CENPE: variants seen among roughly 807,000 people sequenced by gnomAD.
CENPE encodes the protein centromere-associated protein E.
A neutral mutation model predicts 336.1 loss-of-function variants in CENPE; 145 were observed. The observed-to-expected ratio is 0.43, with a 90% CI of 0.38 to 0.50. The LOEUF (loss-of-function observed/expected upper bound fraction) is 0.50. Ranked by LOEUF, CENPE falls within the 20% of genes least tolerant of loss-of-function variation. The pLI is 0.00. For missense variants in CENPE, 2,719 were observed against 3,023.3 expected (o/e 0.90, Z 2.36); for synonymous variants, 1,013 against 984.8 (o/e 1.03, Z -0.54).
In CENPE at chr4:103,158,677, G is replaced by A. The variant is rs1754162942; in HGVS notation, c.2811C>T (p.Leu937=). 1.2e-6 allele frequency: 2 copies of A among 1,611,672 alleles called. No individual in the cohort carries two copies. Among genetic ancestry groups the A allele is most frequent in the Non-Finnish European group, 1.7e-6 (2 of 1,179,132 alleles). ...LTQEKDDLKQ[L]QESLQIERDQ... ...CCCTCTCAATTTGCAAGCTTTCTTG[G>A]AGTTGTTTTAGATCATCTTTTTCTT... The change falls in exon 23 of 49, where the codon CTC becomes CTT. Residue 937 remains leucine (L), a synonymous_variant. Transcript: ENST00000265148.
Position 103,132,835 on chromosome 4 carries a change from A to C in CENPE, c.6782T>G (p.Val2261Gly). The C allele has an allele frequency of 6.4e-7, 1 of 1,570,912 alleles. No individual in the cohort carries two copies. Among genetic ancestry groups the C allele is most frequent in the Non-Finnish European group, 8.6e-7 (1 of 1,156,532 alleles). Residue 2261 changes from valine (V) to glycine (G), a missense_variant, in exon 42 of 49, where the codon GTA becomes GGA. This residue lies in a region of CENPE where 2,437 missense variants were observed against 2,513.3 expected (regional missense o/e 0.97). Transcript: ENST00000265148. ...FPSIKTEFQQ[V>G]LSNRKEMTQF... ...TGTCATTTCTTTCCTATTACTTAGTACTTGTTGAAATTCAGTCTTTATGCT... is the reference window on the plus strand; with the variant it reads ...TGTCATTTCTTTCCTATTACTTAGTCCTTGTTGAAATTCAGTCTTTATGCT...
chr4:103,157,059 C>CAAAAAAA (rs34199706), intron 24 of CENPE, among the ~76,000 whole-genome samples: 6 of 98,026 alleles, frequency 6.1e-5, no homozygotes, highest in Non-Finnish European at 6.4e-5. Flanking sequence ...TGGCTACTAT[C>CAAAAAAA]AAAAAAAAAA....
chr4:103,182,415 C>T (rs1476476733), intron 11 of CENPE, among the ~76,000 whole-genome samples: 11 of 152,174 alleles, frequency 7.2e-5, no homozygotes, highest in Admixed American at 2.0e-4. Flanking sequence ...GACAGACACA[C>T]AATTTTTTTT....
intron 26 of CENPE, among the ~76,000 whole-genome samples, chr4:103,150,087 A>G (rs1753411247): frequency 7.5e-6 from 1 of 132,726 alleles, no homozygotes; most frequent in Non-Finnish European, 1.7e-5. Flanking sequence ...ATAATTCCTC[A>G]TCCTCTTAAA....
intron 8 of CENPE, among the ~76,000 whole-genome samples, chr4:103,188,772 C>G (rs548566286): frequency 6.6e-6 from 1 of 151,912 alleles, no homozygotes; most frequent in Admixed American, 6.6e-5. Context: ...AGCTAGCAGA[C>G]GGCAAGCAAT....
At position 103,129,759 on chromosome 4, in the gene CENPE, G is replaced by A. The variant is rs764482333; in HGVS notation, c.6924+2934C>T. Among the ~76,000 whole-genome samples the A allele has an allele frequency of 4.2e-5, 6 of 143,390 alleles. No homozygotes were observed. In the South Asian group the frequency reaches 1.4e-3, roughly 32 times the overall value. 94.1% of individuals were successfully genotyped at this position (143,390 alleles called of 152,430 possible). A position where few individuals can be genotyped will look rare whatever the true frequency, so the allele number is the denominator to read the frequency against. Reference sequence around the variant, plus strand: ...ATAAAATAAAATAAAAAACAAAGATGTAAAAAAAGATGTGAAAATCTCAAC... The same window carrying A: ...ATAAAATAAAATAAAAAACAAAGATATAAAAAAAGATGTGAAAATCTCAAC... On this transcript the variant is annotated intron_variant, in intron 42 of 48. Coordinates refer to ENST00000265148, the MANE Select transcript of CENPE (RefSeq NM_001813.3).
In CENPE at chr4:103,183,233, T is replaced by C; in HGVS notation, c.801A>G (p.Gln267=). The change falls in exon 10 of 49, where the codon CAA becomes CAG. Residue 267 remains glutamine (Q), a synonymous_variant. Coordinates refer to ENST00000265148, the MANE Select transcript of CENPE (RefSeq NM_001813.3). ...NINRSLFILG[Q]VIKKLSDGQV... is the part of the protein sequence containing the mutation. Reference sequence around the variant, plus strand: ...GTCCATCACTAAGTTTCTTGATCACTTGTCCCAAAATAAATAAGCTTCGAT... The same window carrying C: ...GTCCATCACTAAGTTTCTTGATCACCTGTCCCAAAATAAATAAGCTTCGAT... The C allele has an allele frequency of 6.2e-7, 1 of 1,613,340 alleles. No individual in the cohort carries two copies. The highest frequency in any genetic ancestry group is 8.5e-7 in the Non-Finnish European group (1 of 1,179,582).
At chr4:103,194,808 T>G in intron 5 of CENPE, 124 bp from the exon 6 acceptor site, 2 of 673,832 alleles carry the variant, frequency 3.0e-6, no homozygotes, top group Non-Finnish European at 4.7e-6. Context: ...GGAACCATAA[T>G]TCTGTAGGAA....
intron 25 of CENPE, among the ~76,000 whole-genome samples, chr4:103,152,673 C>A (rs1753657084): frequency 6.6e-6 from 1 of 152,088 alleles, no homozygotes; most frequent in South Asian, 2.1e-4. Flanking sequence ...ATACAATGAA[C>A]TATTCCTTGG....
intron 46 of CENPE, among the ~76,000 whole-genome samples, chr4:103,113,910 A>T (rs1484068195): frequency 6.6e-6 from 1 of 151,932 alleles, no homozygotes; most frequent in Non-Finnish European, 1.5e-5. Flanking sequence ...TGACAGACAG[A>T]ATATGAATAA....
rs545778990 is a variant in CENPE, at chr4:103,189,224, T to C, written c.694-3363A>G. 1.6e-4 allele frequency among the ~76,000 whole-genome samples: 24 copies of C among 152,304 alleles called. 1 individual carries two copies. In the South Asian group the frequency reaches 4.6e-3, roughly 29 times the overall value. On this transcript the variant is annotated intron_variant, in intron 8 of 48. Coordinates refer to ENST00000265148, the MANE Select transcript of CENPE (RefSeq NM_001813.3). ...TTCTACCAGAGGTACTAGGAGGAGC[T>C]GGTACCATTCCTTCTGAAACTATTC... is the stretch of plus-strand genomic sequence containing the variant.
In CENPE at chr4:103,153,041, TC is replaced by T; in HGVS notation, c.3237+5del. Reference sequence around the variant, plus strand: ...GTAATGCCAAGTATACAGTGCTAAATCCTACCATTTCAATATTTTCCTTTAG... The same window carrying T: ...GTAATGCCAAGTATACAGTGCTAAATCTACCATTTCAATATTTTCCTTTAG... On this transcript the variant is annotated splice_donor_5th_base_variant and intron_variant, in intron 25 of 48. Transcript: ENST00000265148. 6.2e-7 allele frequency: 1 copy of T among 1,601,634 alleles called. No individual in the cohort carries two copies.
intron 9 of CENPE, among the ~76,000 whole-genome samples, chr4:103,184,217 T>C (rs1756559256): frequency 1.3e-5 from 2 of 152,218 alleles, no homozygotes; most frequent in Admixed American, 6.5e-5. Flanking sequence ...TTGGTGGATG[T>C]AGGCTAGGCT....
In CENPE at chr4:103,132,752, T is replaced by C; in HGVS notation, c.6865A>G (p.Ile2289Val). The change falls in exon 42 of 49, where the codon ATC becomes GTC. Residue 2289 changes from isoleucine (I) to valine (V), a missense_variant. By Grantham distance (29) the Ile-to-Val change is conservative (BLOSUM62 3). Coordinates refer to ENST00000265148, the MANE Select transcript of CENPE (RefSeq NM_001813.3). ...CAAATCCTATCATTTTCTTTCTGGA[T>C]GCCATTTTTAAGCTTTTCTATATCA... ...RFDIEKLKNG[I>V]QKENDRICQV... 6.4e-7 allele frequency: 1 copy of C among 1,574,294 alleles called. No homozygotes were observed. Among genetic ancestry groups the C allele is most frequent in the Non-Finnish European group, 8.7e-7 (1 of 1,149,902 alleles).
chr4:103,163,173 C>T lies in CENPE; in HGVS notation c.1806G>A (p.Lys602=), dbSNP rs1214206990. The T allele has an allele frequency of 6.2e-7, 1 of 1,610,278 alleles. No individual in the cohort carries two copies. Among genetic ancestry groups the T allele is most frequent in the Non-Finnish European group, 8.5e-7 (1 of 1,178,164 alleles). The change falls in exon 18 of 49, where the codon AAG becomes AAA. Residue 602 remains lysine (K), a synonymous_variant. Coordinates refer to ENST00000265148, the MANE Select transcript of CENPE (RefSeq NM_001813.3). ...ACAAGTCCATTTTTATATTTTCTAG[C>T]TTTTGAGAGTCTATGTATTCCTGTA... ...KKLQEYIDSQ[K]LENIKMDLSY...
rs1750132490 is a variant in CENPE at position 103,116,608 on chromosome 4, T to C, written c.7411A>G (p.Lys2471Glu). The C allele has an allele frequency of 5.1e-6, 8 of 1,578,360 alleles. No individual in the cohort carries two copies. The highest frequency in any genetic ancestry group is 6.9e-6 in the Non-Finnish European group (8 of 1,162,936). Residue 2471 changes from lysine to glutamate, a missense_variant, in exon 45 of 49, where the codon AAA becomes GAA. Around this residue, in one of 5 missense-constraint regions of CENPE, gnomAD observed 2,437 missense variants for 2,513.3 expected, o/e 0.97. Transcript: ENST00000265148. ...TCAAATTCTTTGGCATTTTTCATTTTCTCTAGGTCTATTTTCACAAGCTTC... is the reference window on the plus strand; with the variant it reads ...TCAAATTCTTTGGCATTTTTCATTTCCTCTAGGTCTATTTTCACAAGCTTC... ...KMKLVKIDLE[K>E]MKNAKEFEKE...
chr4:103,114,416 G>A, intron 46 of CENPE, 39 bp downstream of exon 46: 1 of 1,254,052 alleles, frequency 8.0e-7, no homozygotes, highest in Non-Finnish European at 1.2e-6. Flanking sequence ...GTGTTGAGAA[G>A]TAAAATTTCA....
intron 21 of CENPE, 80 bp downstream of exon 21, chr4:103,160,545 T>C: frequency 8.2e-7 from 1 of 1,214,608 alleles, no homozygotes; most frequent in Non-Finnish European, 1.2e-6. Context: ...TAAAATAAAC[T>C]ATACCAAAAT....
In CENPE at chr4:103,163,262, A is replaced by G; in HGVS notation, c.1723-6T>C. On this transcript the variant is annotated splice_polypyrimidine_tract_variant and splice_region_variant and intron_variant, in intron 17 of 48. Coordinates refer to ENST00000265148, the MANE Select transcript of CENPE (RefSeq NM_001813.3). ...ACTTTTGAACTGAGTTCATTCTAAA[A>G]GAATCAAAGGAGAGAGTAACAATTT... 6.2e-7 allele frequency: 1 copy of G among 1,603,382 alleles called. No homozygotes were observed. Among genetic ancestry groups the G allele is most frequent in the Non-Finnish European group, 8.5e-7 (1 of 1,174,632 alleles).
Sources: allele counts gnomAD v4.1 joint callset (sites outside exome capture counted in the v4.1 genomes callset), GRCh38; gene constraint gnomAD v4.1.1; regional missense constraint gnomAD v4.1.1; transcripts MANE v1.5; gene names NCBI Gene and HGNC (gene_info 2026-07-23, HGNC 2026-07-21).